The following DDX54 variants were observed in gnomAD, a reference collection of about 807,000 sequenced individuals.
DDX54 encodes ATP-dependent RNA helicase DDX54.
Under a neutral mutation model 105.5 loss-of-function variants are expected in DDX54, and 67 were observed. That is an observed-to-expected ratio of 0.64 (90% CI 0.52 to 0.78). The LOEUF (loss-of-function observed/expected upper bound fraction) is 0.78. Ranked by LOEUF, DDX54 falls within the 30% of genes least tolerant of loss-of-function variation. The probability of loss-of-function intolerance (pLI) is 0.00; values close to 1 mark genes in which losing one functional copy is unlikely to be tolerated. For missense variants in DDX54, 1,206 were observed against 1,230.5 expected (o/e 0.98, Z 0.30); for synonymous variants, 514 against 509.9 (o/e 1.01, Z -0.11).
chr12:113,158,774 C>A lies in DDX54; in HGVS notation c.*103G>T. ...AGATGATGGCTCCTGCAGGGAGTGC[C>A]CCCAGTGCCCAGCACAGGGCCAGGC... On this transcript the variant is annotated 3_prime_UTR_variant, in exon 20 of 20. Transcript: ENST00000306014. This position sits in a 1 kb window ranked among gnomAD's most constrained non-coding sequence, Gnocchi z 4.9. 4 of 1,276,728 alleles carry A rather than the reference C, an allele frequency of 3.1e-6. No homozygotes were observed. The highest frequency in any genetic ancestry group is 3.2e-6 in the Non-Finnish European group (3 of 936,594). 79.1% of individuals were successfully genotyped at this position (1,276,728 alleles called of 1,614,324 possible).
At chr12:113,181,733 G>A (rs182657622) in intron 1 of DDX54, among the ~76,000 whole-genome samples, 1 of 152,062 alleles carries the variant, frequency 6.6e-6, no homozygotes, top group East Asian at 1.9e-4. Flanking sequence ...CTGATCTCTG[G>A]TCTGTCTCAT....
At chr12:113,168,643 G>A (rs1289070379) in intron 12 of DDX54, among the ~76,000 whole-genome samples, 2 of 152,220 alleles carry the variant, frequency 1.3e-5, no homozygotes, top group African/African-American at 2.4e-5. Flanking sequence ...GAAATGTCCT[G>A]TGGGCGGCTG....
At position 113,158,067 on chromosome 12, in the gene DDX54, G is replaced by A. The variant is rs1037339979; in HGVS notation, c.*810C>T. On this transcript the variant is annotated 3_prime_UTR_variant, in exon 20 of 20. Coordinates refer to ENST00000306014, the MANE Select transcript of DDX54 (RefSeq NM_024072.4). This position sits in a 1 kb window ranked among gnomAD's most constrained non-coding sequence, Gnocchi z 4.9. ...CCCTCCACTATGGACTCTGCCAGGTGAGGGGCCCAGCCTGAGAATCCAGCT... is the reference window on the plus strand; with the variant it reads ...CCCTCCACTATGGACTCTGCCAGGTAAGGGGCCCAGCCTGAGAATCCAGCT... The A allele has an allele frequency of 5.1e-6, 1 of 197,050 alleles. No homozygotes were observed. Among genetic ancestry groups the A allele is most frequent in the Non-Finnish European group, 1.0e-5 (1 of 95,330 alleles). The allele number at this position is 197,050 out of a possible 1,614,324, so 12.2% of individuals were successfully genotyped here.
intron 12 of DDX54, among the ~76,000 whole-genome samples, chr12:113,167,638 C>T (rs1227001267): frequency 6.6e-6 from 1 of 152,218 alleles, no homozygotes; most frequent in Non-Finnish European, 1.5e-5. Flanking sequence ...GGAGCCTGCC[C>T]TCTTCCCATC....
At chr12:113,177,632 T>C (rs1323967398) in intron 5 of DDX54, among the ~76,000 whole-genome samples, 1 of 152,134 alleles carries the variant, frequency 6.6e-6, no homozygotes, top group Non-Finnish European at 1.5e-5. Context: ...ACAAAGGCAC[T>C]GAAAAGCAAA....
rs796769844 is a variant in DDX54, at chr12:113,185,382, T to C, written c.70A>G (p.Lys24Glu). ...RAAMAQWRKKKGLRKRRGAAS... is the reference protein window; with the variant it reads ...RAAMAQWRKKEGLRKRRGAAS... ...GCGCCTCGGCGCTTCCGGAGCCCTTTCTTCTTCCTCCACTGGGCCATGGCA... is the reference window on the plus strand; with the variant it reads ...GCGCCTCGGCGCTTCCGGAGCCCTTCCTTCTTCCTCCACTGGGCCATGGCA... Residue 24 changes from lysine (K) to glutamate (E), a missense_variant, in exon 1 of 20, where the codon AAA becomes GAA. Lys to Glu is a moderately conservative substitution (Grantham distance 56). This residue lies in a region of DDX54 where 212 missense variants were observed against 155.4 expected (regional missense o/e 1.36). Transcript: ENST00000306014. 1 of 1,566,310 alleles carries C rather than the reference T, an allele frequency of 6.4e-7. No homozygotes were observed. The highest frequency in any genetic ancestry group is 1.2e-5 in the South Asian group (1 of 85,342).
chr12:113,162,911 G>C (rs536996354), intron 17 of DDX54, 21 bp downstream of exon 17: 285 of 1,562,234 alleles, frequency 1.8e-4, no homozygotes, highest in Non-Finnish European at 2.3e-4. Flanking sequence ...GCATGGAGGG[G>C]CGGCTCACTC....
rs563988340 is a variant in DDX54, at chr12:113,184,052, T to C, written c.174+1226A>G. Among the ~76,000 whole-genome samples, 220 of 152,290 alleles carry C rather than the reference T, an allele frequency of 1.4e-3. 1 individual carries two copies. Among genetic ancestry groups the C allele is most frequent in the Admixed American group, 3.0e-3 (46 of 15,294 alleles). ...ACCTCTGACTCCCAGTTTCAAGCGATTCTCCTGCCTCAGCCTCCCGAGTAG... is the reference window on the plus strand; with the variant it reads ...ACCTCTGACTCCCAGTTTCAAGCGACTCTCCTGCCTCAGCCTCCCGAGTAG... On this transcript the variant is annotated intron_variant, in intron 1 of 19. Transcript: ENST00000306014.
At chr12:113,159,294 C>T (rs1952176937) in intron 19 of DDX54, 185 bp from the exon 20 acceptor site, 8 of 629,460 alleles carry the variant, frequency 1.3e-5, no homozygotes, top group Non-Finnish European at 1.8e-5. Context: ...GTCAATAACA[C>T]GGGGCCAGAA....
chr12:113,165,594 G>C (rs775772874), intron 14 of DDX54, 50 bp downstream of exon 14: 4 of 1,533,748 alleles, frequency 2.6e-6, no homozygotes, highest in Admixed American at 4.0e-5. Context: ...CTGTCTCTGG[G>C]CTCCACAGAG....
chr12:113,179,296 C>T lies in DDX54; in HGVS notation c.411G>A (p.Val137=), dbSNP rs1161682871. Residue 137 remains valine, a synonymous_variant, in exon 4 of 20, where the codon GTG becomes GTA. Transcript: ENST00000306014. ...IPVILDGKDV[V]AMARTGSGKT... is the part of the protein sequence containing the mutation. Reference sequence around the variant, plus strand: ...TGCCACTGCCCGTCCGGGCCATGGCCACCACGTCCTTGCCATCCAAGATCA... The same window carrying T: ...TGCCACTGCCCGTCCGGGCCATGGCTACCACGTCCTTGCCATCCAAGATCA... 6.2e-7 allele frequency: 1 copy of T among 1,613,796 alleles called. No individual in the cohort carries two copies. Among genetic ancestry groups the T allele is most frequent in the African/African-American group, 1.3e-5 (1 of 74,918 alleles).
chr12:113,170,573 A>C (rs973211657), intron 11 of DDX54, among the ~76,000 whole-genome samples: 2 of 152,218 alleles, frequency 1.3e-5, no homozygotes, highest in Admixed American at 1.3e-4. Flanking sequence ...TGGGAGTTCA[A>C]GCTTACAGTG....
Position 113,174,953 on chromosome 12 carries a change from G to A in DDX54, c.875-17C>T, listed in dbSNP as rs1485126363. On this transcript the variant is annotated splice_polypyrimidine_tract_variant and intron_variant, in intron 8 of 19. Coordinates refer to ENST00000306014, the MANE Select transcript of DDX54 (RefSeq NM_024072.4). ...CCGTGAGGCCTGCAGGAGACATGGG[G>A]GAAAGTGGGGGAGTCGCAGAGGGAC... 4.3e-6 allele frequency: 7 copies of A among 1,612,562 alleles called. No individual in the cohort carries two copies. Among genetic ancestry groups the A allele is most frequent in the African/African-American group, 1.3e-5 (1 of 75,052 alleles).
At chr12:113,179,856 G>T in intron 3 of DDX54, 79 bp downstream of exon 3, 1 of 1,500,760 alleles carries the variant, frequency 6.7e-7, no homozygotes. Context: ...GTGGGACAAG[G>T]GGTGGCTGTC....
At chr12:113,168,116 C>T (rs1217616785) in intron 12 of DDX54, among the ~76,000 whole-genome samples, 1 of 152,258 alleles carries the variant, frequency 6.6e-6, no homozygotes, top group Non-Finnish European at 1.5e-5. Context: ...GCAGCCCTTT[C>T]CTGTGCCCTT....
chr12:113,180,036 G>A (rs773286145), intron 2 of DDX54, 31 bp from the exon 3 acceptor site: 40 of 1,610,972 alleles, frequency 2.5e-5, no homozygotes, highest in African/African-American at 5.4e-5. Flanking sequence ...TCAGGGGGCC[G>A]AGGGAGTCCC....
At chr12:113,160,063 T>G (rs889447807) in intron 19 of DDX54, among the ~76,000 whole-genome samples, 2 of 152,160 alleles carry the variant, frequency 1.3e-5, no homozygotes, top group Non-Finnish European at 2.9e-5. Context: ...GCACGCCCAC[T>G]GCACGGCAAT....
intron 1 of DDX54, among the ~76,000 whole-genome samples, chr12:113,182,831 A>G (rs1952482089): frequency 6.6e-6 from 1 of 151,620 alleles, no homozygotes; most frequent in Non-Finnish European, 1.5e-5. Context: ...TGCTCGGATT[A>G]CAGGCATGAG....
chr12:113,169,872 C>T lies in DDX54; in HGVS notation c.1312G>A (p.Ala438Thr), dbSNP rs199798440. The change falls in exon 12 of 20, where the codon GCC becomes ACC. Residue 438 changes from alanine to threonine, a missense_variant. Physicochemically the swap from Ala to Thr is moderately conservative, Grantham distance 58. Around this residue, in one of 3 missense-constraint regions of DDX54, gnomAD observed 961 missense variants for 1,019.1 expected, o/e 0.94. Coordinates refer to ENST00000306014, the MANE Select transcript of DDX54 (RefSeq NM_024072.4). ...RVARAGRSGT[A>T]YSLVAPDEIP... ...TCATCAGGGGCCACCAAGGAGTAGG[C>T]TGTGCCACTTCGGCCAGCCCGAGCC... is the stretch of plus-strand genomic sequence containing the variant. The T allele has an allele frequency of 2.4e-5, 39 of 1,613,836 alleles. No homozygotes were observed. In the East Asian group the frequency reaches 7.8e-4, roughly 32 times the overall value.
Sources: gnomAD v4.1 joint callset for allele counts (sites outside exome capture counted in the v4.1 genomes callset) on GRCh38, gnomAD v4.1.1 for gene constraint, gnomAD v4.1.1 regional missense constraint, Gnocchi (gnomAD v3.1) non-coding constraint, MANE v1.5 for transcripts, NCBI Gene and HGNC (gene_info 2026-07-23, HGNC 2026-07-21) for gene names.